The following FGF17 variants were observed in gnomAD, a reference collection of about 807,000 sequenced individuals.
FGF17 encodes the protein fibroblast growth factor 17.
Under a neutral mutation model 23.5 loss-of-function variants are expected in FGF17, and 5 were observed. The observed-to-expected ratio is 0.21, with a 90% CI of 0.11 to 0.45. The LOEUF (loss-of-function observed/expected upper bound fraction) is 0.45. Among genes scored for constraint, FGF17 ranks in the 20% least tolerant of loss-of-function variants. The pLI, the probability that FGF17 is intolerant of heterozygous loss-of-function variation, is 0.99. For synonymous variants in FGF17, 136 were observed against 123.0 expected (o/e 1.11, Z -0.70); for missense variants, 221 against 306.9 (o/e 0.72, Z 2.09).
chr8:22,044,577 T>A, intron 2 of FGF17: 1 of 613,400 alleles, frequency 1.6e-6, no homozygotes, highest in Non-Finnish European at 2.0e-6. Flanking sequence ...GGCCTGAACC[T>A]GGGCCAGGAG....
chr8:22,044,998 G>A (rs543229722), intron 2 of FGF17: 13 of 985,522 alleles, frequency 1.3e-5, no homozygotes, highest in African/African-American at 1.7e-5. Context: ...CATCCAGGTG[G>A]AGACAAAACC....
At position 22,048,241 on chromosome 8, in the gene FGF17, C is replaced by G; in HGVS notation, c.643C>G (p.Leu215Val). 1 of 1,602,602 alleles carries G rather than the reference C, an allele frequency of 6.2e-7. No homozygotes were observed. The highest frequency in any genetic ancestry group is 8.5e-7 in the Non-Finnish European group (1 of 1,174,566). Residue 215 changes from leucine to valine, a missense_variant, in exon 5 of 5, where the codon CTC becomes GTC. By Grantham distance (32) the Leu-to-Val change is conservative (BLOSUM62 1). Coordinates refer to ENST00000359441, the MANE Select transcript of FGF17 (RefSeq NM_003867.4). The surrounding 1 kb of genome is among the most constrained non-coding windows in gnomAD (Gnocchi z 6.9). ...RTKRTRRPQP[L>V]T ...CAAGCGCACACGGCGGCCCCAGCCC[C>G]TCACGTAGTCTGGGAGGCAGGGGGC...
At chr8:22,044,006 G>A (rs1018246964) in intron 2 of FGF17, among the ~76,000 whole-genome samples, 8 of 152,048 alleles carry the variant, frequency 5.3e-5, no homozygotes, top group African/African-American at 1.4e-4. Flanking sequence ...GCAGTGGGGG[G>A]GTGGGAGAGG....
chr8:22,043,246 A>AG, intron 2 of FGF17, 65 bp downstream of exon 2: 1 of 1,535,484 alleles, frequency 6.5e-7, no homozygotes, highest in East Asian at 2.3e-5. Context: ...GGCGGGTGCA[A>AG]GGGACCGGCT....
intron 2 of FGF17, among the ~76,000 whole-genome samples, chr8:22,044,138 G>C (rs919365002): frequency 6.6e-6 from 1 of 152,088 alleles, no homozygotes; most frequent in Admixed American, 6.5e-5. Flanking sequence ...GGGGCTGGGG[G>C]TGGGCCCAAC....
In FGF17 at chr8:22,048,281, C is replaced by T. The variant is rs749605577; in HGVS notation, c.*32C>T. 3.3e-6 allele frequency: 5 copies of T among 1,522,260 alleles called. No individual in the cohort carries two copies. The South Asian group carries it at 4.8e-5, about 14-fold the overall frequency. 94.3% of individuals were successfully genotyped at this position (1,522,260 alleles called of 1,614,324 possible). A position where few individuals can be genotyped will look rare whatever the true frequency, so the allele number is the denominator to read the frequency against. Reference sequence around the variant, plus strand: ...AGGCAGGGGGCAGCAGCCCCTGGGCCGCCTCCCCACCCCTTTCCCTTCTTA... The same window carrying T: ...AGGCAGGGGGCAGCAGCCCCTGGGCTGCCTCCCCACCCCTTTCCCTTCTTA... On this transcript the variant is annotated 3_prime_UTR_variant, in exon 5 of 5. Transcript: ENST00000359441. The surrounding 1 kb of genome is among the most constrained non-coding windows in gnomAD (Gnocchi z 6.9).
chr8:22,045,455 G>T lies in FGF17; in HGVS notation c.73-659G>T, dbSNP rs566727158. 11 of 990,312 alleles carry T rather than the reference G, an allele frequency of 1.1e-5. No homozygotes were observed. In the Admixed American group the frequency reaches 5.5e-4, roughly 49 times the overall value. 61.3% of individuals were successfully genotyped at this position (990,312 alleles called of 1,614,324 possible). On this transcript the variant is annotated intron_variant, in intron 2 of 4. Coordinates refer to ENST00000359441, the MANE Select transcript of FGF17 (RefSeq NM_003867.4). ...AGCCCATAGAGGAGGGAGGAACACT[G>T]GAAGGGCCCTGAGCACCAGGGGGCA...
upstream of FGF17, chr8:22,042,747 C>T: frequency 1.6e-6 from 1 of 627,952 alleles, no homozygotes; most frequent in Non-Finnish European, 2.8e-6. Flanking sequence ...TTACGCCCTC[C>T]TCCTCCCCCT....
upstream of FGF17, among the ~76,000 whole-genome samples, chr8:22,039,958 G>T (rs1438254497): frequency 6.6e-6 from 1 of 152,066 alleles, no homozygotes; most frequent in African/African-American, 2.4e-5. Context: ...GGGGGGTGTT[G>T]AACTTGGCAC....
upstream of FGF17, among the ~76,000 whole-genome samples, chr8:22,039,683 G>A (rs542000552): frequency 3.9e-5 from 6 of 152,186 alleles, no homozygotes; most frequent in African/African-American, 1.2e-4. Flanking sequence ...AGCTGAGATC[G>A]CGCCATTGCA....
chr8:22,046,493 T>C (rs769875515), intron 3 of FGF17, 34 bp from the exon 4 acceptor site: 3 of 1,561,890 alleles, frequency 1.9e-6, no homozygotes, highest in African/African-American at 1.4e-5. Context: ...GCAGCCCCGA[T>C]GGACGGAGGT....
intron 2 of FGF17, 176 bp from the exon 3 acceptor site, chr8:22,045,938 G>C (rs756265309): frequency 5.9e-6 from 9 of 1,518,086 alleles, no homozygotes; most frequent in African/African-American, 1.4e-5. Context: ...AAGCAAAGAG[G>C]TTATGACCGG....
chr8:22,047,017 G>A (rs1490623366), intron 4 of FGF17, among the ~76,000 whole-genome samples: 1 of 135,574 alleles, frequency 7.4e-6, no homozygotes, highest in Non-Finnish European at 1.5e-5. Context: ...AAACTCACGG[G>A]CTAAAGCGAT....
intron 1 of FGF17, 69 bp downstream of exon 1, chr8:22,043,032 C>T (rs565425991): frequency 3.7e-5 from 59 of 1,601,998 alleles, no homozygotes; most frequent in East Asian, 2.7e-4. Context: ...CTCCTCTTCC[C>T]GGGACTCCCA....
In FGF17 at chr8:22,047,940, C is replaced by G. The variant is rs1047963001; in HGVS notation, c.358-16C>G. Reference sequence around the variant, plus strand: ...TAGGTGGACAAATGCCCTTCCTGTCCTTGCTTCTCCCGCAGCCCAGCGGGA... The same window carrying G: ...TAGGTGGACAAATGCCCTTCCTGTCGTTGCTTCTCCCGCAGCCCAGCGGGA... On this transcript the variant is annotated splice_polypyrimidine_tract_variant and intron_variant, in intron 4 of 4. Transcript: ENST00000359441. The G allele has an allele frequency of 9.4e-6, 15 of 1,593,604 alleles. No homozygotes were observed. Among genetic ancestry groups the G allele is most frequent in the Non-Finnish European group, 1.2e-5 (14 of 1,164,450 alleles).
At chr8:22,044,138 G>A (rs919365002) in intron 2 of FGF17, among the ~76,000 whole-genome samples, 1 of 152,088 alleles carries the variant, frequency 6.6e-6, no homozygotes. Context: ...GGGGCTGGGG[G>A]TGGGCCCAAC....
At chr8:22,045,665 A>G (rs1440069172) in intron 2 of FGF17, 4 of 1,066,722 alleles carry the variant, frequency 3.7e-6, no homozygotes, top group Non-Finnish European at 4.5e-6. Context: ...GGGGAGGATG[A>G]GGAAGGAATC....
Position 22,042,954 on chromosome 8 carries a change from A to C in FGF17, c.26A>C (p.Asn9Thr). The change falls in exon 1 of 5, where the codon AAC becomes ACC. Residue 9 changes from asparagine to threonine, a missense_variant. Around this residue, in one of 3 missense-constraint regions of FGF17, gnomAD observed 35 missense variants for 35.5 expected, o/e 0.99. Coordinates refer to ENST00000359441, the MANE Select transcript of FGF17 (RefSeq NM_003867.4). ...ATGGGAGCCGCCCGCCTGCTGCCCA[A>C]CCTCACTCTGTAAGTGTGCTACCTC... MGAARLLPNLTLCLQLLIL... is the reference protein window; with the variant it reads MGAARLLPTLTLCLQLLIL... 1.2e-6 allele frequency: 2 copies of C among 1,613,148 alleles called. No individual in the cohort carries two copies. Among genetic ancestry groups the C allele is most frequent in the Non-Finnish European group, 1.7e-6 (2 of 1,179,702 alleles).
At chr8:22,040,841 G>A (rs1261382139), upstream of FGF17, among the ~76,000 whole-genome samples, 3 of 152,224 alleles carry the variant, frequency 2.0e-5, no homozygotes, top group African/African-American at 4.8e-5. Context: ...GTGAGGATGT[G>A]GATGTGAGGT....
Sources: gnomAD v4.1 joint callset for allele counts (sites outside exome capture counted in the v4.1 genomes callset) on GRCh38, gnomAD v4.1.1 for gene constraint, gnomAD v4.1.1 regional missense constraint, Gnocchi (gnomAD v3.1) non-coding constraint, MANE v1.5 for transcripts, NCBI Gene and HGNC (gene_info 2026-07-23, HGNC 2026-07-21) for gene names.